The following MGAT4C variants were observed in gnomAD, a reference collection of about 807,000 sequenced individuals.
The protein encoded by MGAT4C is MGAT4 family member C.
In MGAT4C, 19 loss-of-function variants were observed where a neutral mutation model predicts 40.1. That is an observed-to-expected ratio of 0.47 (90% CI 0.33 to 0.70). MGAT4C has a LOEUF of 0.70. MGAT4C is among the 30% of genes least tolerant of loss of function. The probability of loss-of-function intolerance (pLI) is 0.02; values close to 1 mark genes in which losing one functional copy is unlikely to be tolerated. For synonymous variants in MGAT4C, 181 were observed against 187.1 expected (o/e 0.97, Z 0.27); for missense variants, 491 against 563.2 (o/e 0.87, Z 1.30).
intron 2 of MGAT4C, among the ~76,000 whole-genome samples, chr12:86,454,549 A>G (rs1469078662): frequency 6.6e-6 from 1 of 152,098 alleles, no homozygotes; most frequent in African/African-American, 2.4e-5. Flanking sequence ...CTATATAAAA[A>G]CATGAAGATT....
At chr12:86,506,572 A>T (rs1958476095) in intron 2 of MGAT4C, among the ~76,000 whole-genome samples, 1 of 152,200 alleles carries the variant, frequency 6.6e-6, no homozygotes, top group Non-Finnish European at 1.5e-5. Flanking sequence ...TATTCATTGA[A>T]GATAATTAGA....
chr12:86,445,977 C>A (rs1031287684), intron 2 of MGAT4C, among the ~76,000 whole-genome samples: 4 of 151,936 alleles, frequency 2.6e-5, no homozygotes, highest in Non-Finnish European at 5.9e-5. Context: ...TATAGACATG[C>A]ATTCACTGTG....
intron 1 of MGAT4C, among the ~76,000 whole-genome samples, chr12:86,747,514 G>T (rs999745078): frequency 3.3e-5 from 5 of 151,262 alleles, no homozygotes; most frequent in African/African-American, 1.2e-4. Flanking sequence ...CTAAAATTTT[G>T]TCCTAAATTG....
intron 4 of MGAT4C, among the ~76,000 whole-genome samples, chr12:86,262,025 C>A (rs1294747256): frequency 6.6e-6 from 1 of 152,024 alleles, no homozygotes; most frequent in Non-Finnish European, 1.5e-5. Context: ...ACATGCTTAG[C>A]GTTCCAATAT....
intron 1 of MGAT4C, among the ~76,000 whole-genome samples, chr12:86,803,775 G>A (rs1472049988): frequency 6.0e-5 from 9 of 149,856 alleles, no homozygotes; most frequent in South Asian, 2.1e-4. Flanking sequence ...AACAGGTGCT[G>A]GAGAGGATGT....
intron 4 of MGAT4C, among the ~76,000 whole-genome samples, chr12:86,315,209 A>G (rs1334422908): frequency 1.3e-5 from 2 of 152,176 alleles, no homozygotes; most frequent in Non-Finnish European, 2.9e-5. Context: ...ATAAAGCCAC[A>G]CACCTGCAAT....
chr12:86,765,714 A>G (rs1369758001), intron 1 of MGAT4C, among the ~76,000 whole-genome samples: 4 of 152,248 alleles, frequency 2.6e-5, no homozygotes, highest in African/African-American at 9.6e-5. Context: ...CCAATATTCA[A>G]CATTCTTAAA....
intron 2 of MGAT4C, among the ~76,000 whole-genome samples, chr12:86,530,497 T>G (rs1260152358): frequency 6.6e-6 from 1 of 152,084 alleles, no homozygotes; most frequent in African/African-American, 2.4e-5. Context: ...TAAAAATAAA[T>G]AGTATGCTTT....
intron 1 of MGAT4C, among the ~76,000 whole-genome samples, chr12:86,217,781 G>A (rs774046994): frequency 6.6e-6 from 1 of 152,098 alleles, no homozygotes; most frequent in Non-Finnish European, 1.5e-5. Flanking sequence ...AAGAGATTTT[G>A]TTTTAGTTAA....
At chr12:86,233,397 A>T (rs1220500002) in intron 1 of MGAT4C, among the ~76,000 whole-genome samples, 3 of 152,222 alleles carry the variant, frequency 2.0e-5, no homozygotes, top group African/African-American at 7.2e-5. Flanking sequence ...GATGCTAATG[A>T]CACATTACAT....
chr12:86,677,102 A>G (rs1593105045), intron 2 of MGAT4C, among the ~76,000 whole-genome samples: 1 of 151,638 alleles, frequency 6.6e-6, no homozygotes, highest in Non-Finnish European at 1.5e-5. Context: ...TCTTCTTTAG[A>G]AAAAAAAATC....
chr12:86,242,851 G>A (rs887257781), intron 1 of MGAT4C, among the ~76,000 whole-genome samples: 1 of 151,896 alleles, frequency 6.6e-6, no homozygotes, highest in African/African-American at 2.4e-5. Flanking sequence ...GGGCTCTAAT[G>A]GCTCTTCAGA....
chr12:86,273,272 T>C (rs2136109864), intron 4 of MGAT4C, among the ~76,000 whole-genome samples: 1 of 152,346 alleles, frequency 6.6e-6, no homozygotes, highest in South Asian at 2.1e-4. Flanking sequence ...TTTTCCTGTA[T>C]CTTAGACTTC....
At chr12:86,165,097 T>C (rs540325123) in intron 1 of MGAT4C, among the ~76,000 whole-genome samples, 97 of 152,244 alleles carry the variant, frequency 6.4e-4, no homozygotes, top group Non-Finnish European at 1.1e-3. Flanking sequence ...AAAGGATGTT[T>C]AGAATAAACC....
At chr12:86,610,325 C>T (rs1295617819) in intron 2 of MGAT4C, among the ~76,000 whole-genome samples, 1 of 152,056 alleles carries the variant, frequency 6.6e-6, no homozygotes, top group Non-Finnish European at 1.5e-5. Flanking sequence ...GATATATAAC[C>T]CTGGCTTGAA....
At chr12:86,455,152 T>G (rs1592867904) in intron 2 of MGAT4C, among the ~76,000 whole-genome samples, 3 of 152,152 alleles carry the variant, frequency 2.0e-5, no homozygotes, top group African/African-American at 7.2e-5. Flanking sequence ...GTAGTGGTGT[T>G]AGTAAATGTG....
Position 85,974,246 on chromosome 12 carries a change from T to C in MGAT4C, c.*5043A>G, listed in dbSNP as rs1288581708. The C allele has an allele frequency of 6.6e-6, 1 of 150,794 alleles. No individual in the cohort carries two copies. Among genetic ancestry groups the C allele is most frequent in the African/African-American group, 2.4e-5 (1 of 41,272 alleles). 9.3% of individuals were successfully genotyped at this position (150,794 alleles called of 1,614,324 possible). A position where few individuals can be genotyped will look rare whatever the true frequency, so the allele number is the denominator to read the frequency against. ...CTAATGTGCTGTGATTTTCAAAGGATGTCATGTATAAAAGATTTGAGTGAG... is the reference window on the plus strand; with the variant it reads ...CTAATGTGCTGTGATTTTCAAAGGACGTCATGTATAAAAGATTTGAGTGAG... On this transcript the variant is annotated 3_prime_UTR_variant, in exon 5 of 5. Transcript: ENST00000611864.
At chr12:86,344,758 GTGTGTGTGTGTGTGTGTA>G (rs2136187053) in intron 3 of MGAT4C, among the ~76,000 whole-genome samples, 2 of 107,356 alleles carry the variant, frequency 1.9e-5, no homozygotes, top group African/African-American at 5.6e-5. Context: ...GTGTGTGTAT[GTGTGTGTGTGTGTGTGTA>G]GCGGCAAGAG....
At chr12:86,819,541 T>C (rs1476700250) in intron 1 of MGAT4C, among the ~76,000 whole-genome samples, 1 of 151,042 alleles carries the variant, frequency 6.6e-6, no homozygotes, top group East Asian at 1.9e-4. Flanking sequence ...ATGAAAAATA[T>C]GTACTGTGGT....
Sources: allele counts gnomAD v4.1 joint callset (sites outside exome capture counted in the v4.1 genomes callset), GRCh38; gene constraint gnomAD v4.1.1; transcripts MANE v1.5; gene names NCBI Gene and HGNC (gene_info 2026-07-23, HGNC 2026-07-21).